WDTC1: variants seen among roughly 807,000 people sequenced by gnomAD.
WDTC1 encodes the protein WD and tetratricopeptide repeats 1, also known as WD and tetratricopeptide repeats protein 1.
Under a neutral mutation model 76.0 loss-of-function variants are expected in WDTC1, and 12 were observed. That is an observed-to-expected ratio of 0.16 (90% CI 0.10 to 0.26). WDTC1 has a LOEUF of 0.26. Among genes scored for constraint, WDTC1 ranks in the 10% least tolerant of loss-of-function variants. The pLI is 1.00. For synonymous variants in WDTC1, 326 were observed against 350.8 expected (o/e 0.93, Z 0.79); for missense variants, 511 against 908.8 (o/e 0.56, Z 5.63).
At chr1:27,256,898 G>A (rs1221773727) in intron 1 of WDTC1, among the ~76,000 whole-genome samples, 3 of 152,124 alleles carry the variant, frequency 2.0e-5, no homozygotes, top group African/African-American at 7.2e-5. Context: ...GTCTCACTCT[G>A]TTGCCCAGGC....
rs2013743316 is a variant in WDTC1, at chr1:27,298,238, C to T, written c.1232+127C>T. ...GAAAGTGGCAAGAACATATTGCTGC[C>T]TCTTAGGGCTTCTTGGCCTCTCCTC... On this transcript the variant is annotated intron_variant, in intron 12 of 15. Coordinates refer to ENST00000319394, the MANE Select transcript of WDTC1 (RefSeq NM_001276252.2). The T allele has an allele frequency of 1.4e-5, 17 of 1,192,000 alleles. No individual in the cohort carries two copies. The East Asian group carries it at 4.7e-4, about 33-fold the overall frequency. 73.8% of individuals were successfully genotyped at this position (1,192,000 alleles called of 1,614,324 possible). A position where few individuals can be genotyped will look rare whatever the true frequency, so the allele number is the denominator to read the frequency against.
At position 27,282,259 on chromosome 1, in the gene WDTC1, C is replaced by T. The variant is rs1339696243; in HGVS notation, c.153C>T (p.Asn51=). 1 of 1,613,834 alleles carries T rather than the reference C, an allele frequency of 6.2e-7. No individual in the cohort carries two copies. The highest frequency in any genetic ancestry group is 1.1e-5 in the South Asian group (1 of 91,066). ...AELQGHSGCV[N]CLEWNEKGDL... ...CCCAGGGTCACTCAGGATGTGTCAA[C>T]TGTCTGGAGTGGAATGAGAAAGGAG... Residue 51 remains asparagine, a synonymous_variant, in exon 4 of 16, where the codon AAC becomes AAT. Coordinates refer to ENST00000319394, the MANE Select transcript of WDTC1 (RefSeq NM_001276252.2).
chr1:27,270,099 A>T (rs6656348), intron 3 of WDTC1, among the ~76,000 whole-genome samples: 2 of 151,800 alleles, frequency 1.3e-5, no homozygotes, highest in African/African-American at 2.4e-5. Flanking sequence ...CACCATGCCC[A>T]GCTAGTTAGA....
At chr1:27,284,827 A>G (rs74061755) in intron 5 of WDTC1, among the ~76,000 whole-genome samples, 4 of 151,454 alleles carry the variant, frequency 2.6e-5, no homozygotes, top group Non-Finnish European at 4.4e-5. Flanking sequence ...AACACTGCAG[A>G]TGTATATGTA....
rs990712766 is a variant in WDTC1 at position 27,305,247 on chromosome 1, A to G, written c.1836+54A>G. ...GGGCAGGGACTCTGTGGAAGGCTCC[A>G]GTGGAGCCTGCTAGCGCAGGGAAGA... On this transcript the variant is annotated intron_variant, in intron 15 of 15. Transcript: ENST00000319394. The surrounding 1 kb of genome is among the most constrained non-coding windows in gnomAD (Gnocchi z 4.6). 1 of 1,575,000 alleles carries G rather than the reference A, an allele frequency of 6.3e-7. No individual in the cohort carries two copies. The highest frequency in any genetic ancestry group is 1.4e-5 in the African/African-American group (1 of 73,924).
Position 27,234,971 on chromosome 1 carries a change from C to T in WDTC1, c.-100+20C>T, listed in dbSNP as rs1419594689. ...TGACAGGTACGGGTCACCGCCGCCC[C>T]CTGCCCTCCGCGGGCGCCGAGGCGG... On this transcript the variant is annotated intron_variant, in intron 1 of 15. Transcript: ENST00000319394. 4 of 387,540 alleles carry T rather than the reference C, an allele frequency of 1.0e-5. No homozygotes were observed. The highest frequency in any genetic ancestry group is 3.7e-5 in the East Asian group (1 of 27,346). 24.0% of individuals were successfully genotyped at this position (387,540 alleles called of 1,614,324 possible). A position where few individuals can be genotyped will look rare whatever the true frequency, so the allele number is the denominator to read the frequency against.
At chr1:27,264,349 TG>T (rs1479963328) in intron 3 of WDTC1, among the ~76,000 whole-genome samples, 1 of 152,160 alleles carries the variant, frequency 6.6e-6, no homozygotes, top group East Asian at 1.9e-4. Context: ...CCCAGCTATT[TG>T]GGAGGCTGAG....
intron 3 of WDTC1, among the ~76,000 whole-genome samples, chr1:27,272,390 C>T (rs943554149): frequency 1.3e-5 from 2 of 152,162 alleles, no homozygotes; most frequent in Non-Finnish European, 2.9e-5. Context: ...CCACCATGCC[C>T]AGCCAATTTT....
intron 1 of WDTC1, among the ~76,000 whole-genome samples, chr1:27,259,351 A>G (rs1322764629): frequency 9.1e-6 from 1 of 109,476 alleles, no homozygotes; most frequent in African/African-American, 3.6e-5. Flanking sequence ...TTTTTTTGGT[A>G]TAGATAAGGT....
At chr1:27,243,966 A>C (rs2011720991) in intron 1 of WDTC1, among the ~76,000 whole-genome samples, 1 of 114,102 alleles carries the variant, frequency 8.8e-6, no homozygotes, top group African/African-American at 2.9e-5. Context: ...TCTCTACAAA[A>C]AAAAAAAAAA....
intron 1 of WDTC1, among the ~76,000 whole-genome samples, chr1:27,255,918 G>GAAGTGCT (rs2012264928): frequency 6.6e-6 from 1 of 152,010 alleles, no homozygotes; most frequent in Non-Finnish European, 1.5e-5. Context: ...TCTCTCCCTG[G>GAAGTGCT]AAGTGGTTTT....
In WDTC1 at chr1:27,306,589, C is replaced by A; in HGVS notation, c.*206C>A. On this transcript the variant is annotated 3_prime_UTR_variant, in exon 16 of 16. Coordinates refer to ENST00000319394, the MANE Select transcript of WDTC1 (RefSeq NM_001276252.2). This position sits in a 1 kb window ranked among gnomAD's most constrained non-coding sequence, Gnocchi z 5.0. ...GGGCTGATTGTCCCCTGACTATCCC[C>A]AGCCCTGAAAAAAAGAGCAGGAGGG... The A allele has an allele frequency of 1.6e-6, 1 of 642,718 alleles. No individual in the cohort carries two copies. The highest frequency in any genetic ancestry group is 2.6e-6 in the Non-Finnish European group (1 of 380,110). 39.8% of individuals were successfully genotyped at this position (642,718 alleles called of 1,614,324 possible). A position where few individuals can be genotyped will look rare whatever the true frequency, so the allele number is the denominator to read the frequency against.
At chr1:27,262,254 T>TA (rs2012504438) in intron 2 of WDTC1, among the ~76,000 whole-genome samples, 2 of 151,912 alleles carry the variant, frequency 1.3e-5, no homozygotes, top group Non-Finnish European at 2.9e-5. Flanking sequence ...TAAAAATTTT[T>TA]AAAAAATCAA....
In WDTC1 at chr1:27,287,656, T is replaced by TC; in HGVS notation, c.292-16dup. 6.2e-7 allele frequency: 1 copy of TC among 1,607,734 alleles called. No individual in the cohort carries two copies. The highest frequency in any genetic ancestry group is 8.5e-7 in the Non-Finnish European group (1 of 1,176,534). ...TCTACTCTTACCACCCACCCCTTCC[T>TC]CCATTTCTCCTATATAGTTCCTGCC... On this transcript the variant is annotated splice_polypyrimidine_tract_variant and intron_variant, in intron 5 of 15. Coordinates refer to ENST00000319394, the MANE Select transcript of WDTC1 (RefSeq NM_001276252.2).
In WDTC1 at chr1:27,301,311, G is replaced by A; in HGVS notation, c.1318G>A (p.Ala440Thr). Residue 440 changes from alanine (A) to threonine (T), a missense_variant, in exon 13 of 16, where the codon GCC becomes ACC. Transcript: ENST00000319394. This position sits in a 1 kb window ranked among gnomAD's most constrained non-coding sequence, Gnocchi z 5.8. ...CCACCTGAAGGCACACTTTCGCCTG[G>A]CCCGCTGCCTCTTTGAGCTCAAGTA... The part of the protein sequence containing the change: ...PCHLKAHFRL[A>T]RCLFELKYVA... 1 of 1,614,164 alleles carries A rather than the reference G, an allele frequency of 6.2e-7. No homozygotes were observed. The highest frequency in any genetic ancestry group is 8.5e-7 in the Non-Finnish European group (1 of 1,180,028).
intron 3 of WDTC1, among the ~76,000 whole-genome samples, chr1:27,272,958 C>T (rs2012912703): frequency 6.6e-6 from 1 of 152,106 alleles, no homozygotes; most frequent in Non-Finnish European, 1.5e-5. Flanking sequence ...TCTATTATTT[C>T]CAGCTCTGTC....
chr1:27,291,053 T>C (rs185906454), intron 6 of WDTC1, among the ~76,000 whole-genome samples: 3 of 152,260 alleles, frequency 2.0e-5, no homozygotes, highest in Admixed American at 2.0e-4. Context: ...GCGCATTGGG[T>C]AGGATCCTAA....
In WDTC1 at chr1:27,303,323, C is replaced by T. The variant is rs1162999259; in HGVS notation, c.1469-298C>T. Among the ~76,000 whole-genome samples, 2 of 152,008 alleles carry T rather than the reference C, an allele frequency of 1.3e-5. No individual in the cohort carries two copies. Among genetic ancestry groups the T allele is most frequent in the Non-Finnish European group, 2.9e-5 (2 of 67,994 alleles). ...TAGTGCCTCACTCTACCCTCCCCTG[C>T]CTCTTACCTCCACAGAAACAGACTT... On this transcript the variant is annotated intron_variant, in intron 13 of 15. Coordinates refer to ENST00000319394, the MANE Select transcript of WDTC1 (RefSeq NM_001276252.2). The surrounding 1 kb of genome is among the most constrained non-coding windows in gnomAD (Gnocchi z 4.8).
At chr1:27,289,107 G>T (rs1467373770) in intron 6 of WDTC1, among the ~76,000 whole-genome samples, 1 of 146,162 alleles carries the variant, frequency 6.8e-6, no homozygotes, top group East Asian at 2.1e-4. Context: ...CCTCCTGGAC[G>T]GGGCGGCTGG....
Sources: allele counts gnomAD v4.1 joint callset (sites outside exome capture counted in the v4.1 genomes callset), GRCh38; gene constraint gnomAD v4.1.1; non-coding constraint Gnocchi (gnomAD v3.1); transcripts MANE v1.5; gene names NCBI Gene and HGNC (gene_info 2026-07-23, HGNC 2026-07-21).